The following CDH18 variants were observed in gnomAD, a reference collection of about 807,000 sequenced individuals.
CDH18 encodes cadherin 18.
A neutral mutation model predicts 67.9 loss-of-function variants in CDH18; 31 were observed. The observed-to-expected ratio is 0.46, with a 90% CI of 0.34 to 0.62. The LOEUF (loss-of-function observed/expected upper bound fraction) is 0.62, where lower values mean the gene tolerates loss of function less well. CDH18 is among the 20% of genes least tolerant of loss of function. The pLI, the probability that CDH18 is intolerant of heterozygous loss-of-function variation, is 0.01. For synonymous variants in CDH18, 362 were observed against 347.2 expected (o/e 1.04, Z -0.48); for missense variants, 890 against 975.5 (o/e 0.91, Z 1.17).
At chr5:19,712,090 G>C (rs1403395088) in intron 5 of CDH18, among the ~76,000 whole-genome samples, 1 of 151,992 alleles carries the variant, frequency 6.6e-6, no homozygotes, top group Non-Finnish European at 1.5e-5. Context: ...TCTCTTATAA[G>C]TGAAAGCTAA....
intron 2 of CDH18, among the ~76,000 whole-genome samples, chr5:19,875,483 T>C (rs1172933255): frequency 1.3e-5 from 2 of 151,976 alleles, no homozygotes; most frequent in Non-Finnish European, 2.9e-5. Context: ...TAGATATACA[T>C]ATAGATTATA....
intron 10 of CDH18, among the ~76,000 whole-genome samples, chr5:19,515,607 T>A (rs562262317): frequency 1.2e-3 from 176 of 152,214 alleles, no homozygotes; most frequent in Non-Finnish European, 1.7e-3. Context: ...ATTCTCTTTG[T>A]AGCAATTGTG....
intron 5 of CDH18, among the ~76,000 whole-genome samples, chr5:19,699,533 G>C (rs1039974436): frequency 6.6e-6 from 1 of 152,002 alleles, no homozygotes; most frequent in Non-Finnish European, 1.5e-5. Context: ...TAGTTCATAA[G>C]GGTAAGCCCT....
intron 2 of CDH18, among the ~76,000 whole-genome samples, chr5:20,031,229 C>T (rs1271168831): frequency 6.6e-6 from 1 of 152,006 alleles, no homozygotes; most frequent in African/African-American, 2.4e-5. Flanking sequence ...AAAAAGGTGG[C>T]TACGGTTGGA....
intron 4 of CDH18, among the ~76,000 whole-genome samples, chr5:19,741,154 A>ATGTG (rs1378370914): frequency 1.3e-5 from 2 of 149,972 alleles, no homozygotes; most frequent in Non-Finnish European, 3.0e-5. Context: ...ATGTACATCT[A>ATGTG]TGTCATCTAT....
At chr5:19,510,072 T>C (rs1460860869) in intron 10 of CDH18, among the ~76,000 whole-genome samples, 1 of 152,146 alleles carries the variant, frequency 6.6e-6, no homozygotes, top group Non-Finnish European at 1.5e-5. Flanking sequence ...ATAATAGAAA[T>C]ATCCGTAATT....
At chr5:20,407,162 C>G (rs1452322918) in intron 1 of CDH18, among the ~76,000 whole-genome samples, 2 of 152,152 alleles carry the variant, frequency 1.3e-5, no homozygotes, top group African/African-American at 4.8e-5. Flanking sequence ...AGCTATCTGG[C>G]TAACTGCAGA....
At chr5:19,611,677 A>G in intron 6 of CDH18, among the ~76,000 whole-genome samples, 1 of 152,152 alleles carries the variant, frequency 6.6e-6, no homozygotes, top group East Asian at 1.9e-4. Flanking sequence ...CATAAGAGAC[A>G]ACTCCTCTGT....
chr5:20,531,620 T>C (rs1756403443), intron 1 of CDH18, among the ~76,000 whole-genome samples: 1 of 151,374 alleles, frequency 6.6e-6, no homozygotes, highest in African/African-American at 2.5e-5. Context: ...GCCATTATCC[T>C]CAGCAACTAA....
At chr5:19,635,597 G>T (rs988744943) in intron 5 of CDH18, among the ~76,000 whole-genome samples, 1 of 152,064 alleles carries the variant, frequency 6.6e-6, no homozygotes, top group African/African-American at 2.4e-5. Flanking sequence ...AGTGATTGAG[G>T]TAAGTGACTA....
intron 10 of CDH18, among the ~76,000 whole-genome samples, chr5:19,513,989 C>T (rs1579929579): frequency 6.6e-6 from 1 of 152,176 alleles, no homozygotes; most frequent in Middle Eastern, 3.4e-3. Context: ...AATGCTATCC[C>T]TCCCCCATTC....
At chr5:20,508,871 C>T (rs1396335) in intron 1 of CDH18, among the ~76,000 whole-genome samples, 71,545 of 151,270 alleles carry the variant, frequency 0.47, 17,063 homozygotes, top group East Asian at 0.56. Flanking sequence ...TCTATCTCTG[C>T]CCAAATAATA....
intron 12 of CDH18, among the ~76,000 whole-genome samples, chr5:19,481,580 T>G (rs904372129): frequency 8.5e-5 from 13 of 152,152 alleles, no homozygotes; most frequent in Non-Finnish European, 1.9e-4. Flanking sequence ...ATAATGGGAC[T>G]CTCTAGCTTT....
chr5:19,755,201 C>T (rs1312860675), intron 3 of CDH18, among the ~76,000 whole-genome samples: 2 of 147,850 alleles, frequency 1.4e-5, no homozygotes, highest in African/African-American at 5.0e-5. Context: ...AAAAAAAATA[C>T]AAAAAATAAA....
At chr5:20,089,346 CTA>C (rs1745235857) in intron 2 of CDH18, among the ~76,000 whole-genome samples, 1 of 151,926 alleles carries the variant, frequency 6.6e-6, no homozygotes, top group African/African-American at 2.4e-5. Context: ...GTTTGTTAAA[CTA>C]TGTGTATATC....
chr5:19,761,315 A>G (rs999066147), intron 3 of CDH18, among the ~76,000 whole-genome samples: 1 of 152,176 alleles, frequency 6.6e-6, no homozygotes, highest in African/African-American at 2.4e-5. Context: ...TTGTGCACTG[A>G]ACTTAGGAGT....
At chr5:20,354,612 C>T (rs768785959) in intron 1 of CDH18, among the ~76,000 whole-genome samples, 11 of 152,070 alleles carry the variant, frequency 7.2e-5, no homozygotes, top group Non-Finnish European at 1.5e-4. Context: ...AGGCTAGTCT[C>T]GAACCCCTGA....
At chr5:20,463,532 G>A (rs370000099) in intron 1 of CDH18, among the ~76,000 whole-genome samples, 1 of 152,144 alleles carries the variant, frequency 6.6e-6, no homozygotes, top group African/African-American at 2.4e-5. Context: ...GAGAATGAGT[G>A]CCAGCAGGAG....
intron 5 of CDH18, among the ~76,000 whole-genome samples, chr5:19,669,762 T>C (rs1758485993): frequency 6.6e-6 from 1 of 152,196 alleles, no homozygotes; most frequent in Non-Finnish European, 1.5e-5. Context: ...GCAATGACTT[T>C]ACTCATGTAT....
Sources: gnomAD v4.1 joint callset for allele counts (sites outside exome capture counted in the v4.1 genomes callset) on GRCh38, gnomAD v4.1.1 for gene constraint, MANE v1.5 for transcripts, NCBI Gene and HGNC (gene_info 2026-07-23, HGNC 2026-07-21) for gene names.